The following PKD2 variants were observed in gnomAD, a reference collection of about 807,000 sequenced individuals.
PKD2 encodes the protein polycystin-2.
In PKD2, 48 loss-of-function variants were observed where a neutral mutation model predicts 105.9. That is an observed-to-expected ratio of 0.45 (90% CI 0.36 to 0.58). The LOEUF (loss-of-function observed/expected upper bound fraction) is 0.58. PKD2 is among the 20% of genes least tolerant of loss of function. PKD2 has a pLI of 0.00. For synonymous variants in PKD2, 464 were observed against 481.1 expected, an observed-to-expected ratio of 0.96 and a Z score of 0.46; for missense variants, 1,078 against 1,255.3, an observed-to-expected ratio of 0.86 and a Z score of 2.13.
chr4:88,051,656 A>C (rs558400701), intron 6 of PKD2, among the ~76,000 whole-genome samples: 1 of 152,076 alleles, frequency 6.6e-6, no homozygotes, highest in Non-Finnish European at 1.5e-5. Context: ...AAAAACAGAA[A>C]GCATTCCTCT....
chr4:88,032,379 A>G (rs1727191791), intron 2 of PKD2, among the ~76,000 whole-genome samples: 1 of 152,218 alleles, frequency 6.6e-6, no homozygotes, highest in African/African-American at 2.4e-5. Context: ...AGGCACCAGT[A>G]TCGGCCAGGC....
intron 14 of PKD2, 83 bp downstream of exon 14, chr4:88,075,042 G>A (rs1489649878): frequency 2.7e-6 from 4 of 1,474,006 alleles, no homozygotes; most frequent in South Asian, 1.1e-5. Context: ...TGTATTTGAA[G>A]TATTGAAGAA....
intron 5 of PKD2, among the ~76,000 whole-genome samples, chr4:88,044,622 G>T (rs1451950534): frequency 6.6e-6 from 1 of 152,160 alleles, no homozygotes; most frequent in Non-Finnish European, 1.5e-5. Flanking sequence ...TTGGGGATGG[G>T]ACCCAAGTCT....
At chr4:88,023,229 G>A (rs1726827516) in intron 2 of PKD2, among the ~76,000 whole-genome samples, 1 of 152,236 alleles carries the variant, frequency 6.6e-6, no homozygotes, top group African/African-American at 2.4e-5. Flanking sequence ...GCCTCAGGAA[G>A]CTGTTACTCA....
At position 88,077,158 on chromosome 4, in the gene PKD2, C is replaced by T. The variant is rs1270037634; in HGVS notation, c.*1464C>T. ...ACTTGGAGAACCAAGAGAATCCTGT[C>T]GTTTAATGCTATATTTTAATTTCAC... On this transcript the variant is annotated 3_prime_UTR_variant, in exon 15 of 15. Coordinates refer to ENST00000237596, the MANE Select transcript of PKD2 (RefSeq NM_000297.4). 2 of 152,492 alleles carry T rather than the reference C, an allele frequency of 1.3e-5. No individual in the cohort carries two copies. Among genetic ancestry groups the T allele is most frequent in the Admixed American group, 6.5e-5 (1 of 15,272 alleles). The allele number at this position is 152,492 out of a possible 1,614,324, so 9.4% of individuals were successfully genotyped here.
chr4:88,071,082 G>A (rs1446435564), intron 13 of PKD2, among the ~76,000 whole-genome samples: 2 of 151,264 alleles, frequency 1.3e-5, no homozygotes. Flanking sequence ...AAGAGATAGG[G>A]TCTCTCTCTG....
intron 3 of PKD2, 53 bp downstream of exon 3, chr4:88,036,406 T>G (rs1016432403): frequency 2.7e-5 from 44 of 1,609,910 alleles, no homozygotes; most frequent in Non-Finnish European, 3.5e-5. Context: ...ATTGTTCATT[T>G]GGCTTCATCA....
In PKD2 at chr4:88,019,476, T is replaced by A. The variant is rs1064796616; in HGVS notation, c.614T>A (p.Leu205His). ...RGLRGLWGTR[L>H]MEESSTNREK... The stretch of plus-strand genomic sequence containing the variant: ...TTTAAAGGTCTCTGGGGAACAAGAC[T>A]CATGGAGGAAAGCAGCACTAACCGA... Residue 205 changes from leucine (L) to histidine (H), a missense_variant, in exon 2 of 15, where the codon CTC (leucine) becomes CAC (histidine). Leu to His is a moderately conservative substitution (Grantham distance 99). Transcript: ENST00000237596. The A allele has an allele frequency of 6.3e-6, 10 of 1,583,594 alleles. No individual in the cohort carries two copies. Among genetic ancestry groups the A allele is most frequent in the Non-Finnish European group, 7.8e-6 (9 of 1,152,304 alleles).
At chr4:88,056,735 A>G (rs1720352256) in intron 8 of PKD2, among the ~76,000 whole-genome samples, 1 of 152,236 alleles carries the variant, frequency 6.6e-6, no homozygotes, top group African/African-American at 2.4e-5. Context: ...CAAATGTGAA[A>G]TAAAACAACA....
intron 2 of PKD2, among the ~76,000 whole-genome samples, chr4:88,034,507 A>G (rs893959320): frequency 2.0e-5 from 3 of 151,962 alleles, no homozygotes; most frequent in African/African-American, 7.3e-5. Context: ...TGTCTCTACT[A>G]AAAATAAAAA....
intron 10 of PKD2, among the ~76,000 whole-genome samples, chr4:88,065,022 C>T (rs908049584): frequency 5.9e-5 from 9 of 152,048 alleles, no homozygotes; most frequent in South Asian, 2.1e-4. Flanking sequence ...ATTCATGATT[C>T]GGGTTTCTTG....
At chr4:88,071,245 G>A (rs1454876596) in intron 13 of PKD2, among the ~76,000 whole-genome samples, 1 of 149,186 alleles carries the variant, frequency 6.7e-6, no homozygotes, top group African/African-American at 2.5e-5. Flanking sequence ...GTAGAGATGG[G>A]GTCTAAGTTG....
At position 88,052,085 on chromosome 4, in the gene PKD2, T is replaced by G; in HGVS notation, c.1643T>G (p.Phe548Cys). ...FLEDQNTFPN[F>C]EHLAYWQIQF... ...GAAGATCAAAATACTTTCCCCAACT[T>G]TGAGCATCTGGCATATTGGCAGATA... The change falls in exon 7 of 15, where the codon TTT becomes TGT. Residue 548 changes from phenylalanine to cysteine, a missense_variant. By Grantham distance (205) the Phe-to-Cys change is radical (BLOSUM62 -2). Transcript: ENST00000237596. 6.2e-7 allele frequency: 1 copy of G among 1,607,830 alleles called. No individual in the cohort carries two copies. The highest frequency in any genetic ancestry group is 8.5e-7 in the Non-Finnish European group (1 of 1,174,424).
At chr4:88,018,575 T>G (rs186998193) in intron 1 of PKD2, among the ~76,000 whole-genome samples, 1 of 152,324 alleles carries the variant, frequency 6.6e-6, no homozygotes, top group Admixed American at 6.5e-5. Context: ...TTCTTCCAAG[T>G]AACCAGCAAT....
intron 1 of PKD2, among the ~76,000 whole-genome samples, chr4:88,012,898 CCTT>C (rs1473157544): frequency 5.9e-5 from 9 of 152,046 alleles, no homozygotes; most frequent in Admixed American, 3.9e-4. Context: ...GTGCAAATTC[CCTT>C]CTTTTTTATG....
intron 12 of PKD2, among the ~76,000 whole-genome samples, chr4:88,067,195 A>AT (rs1720825781): frequency 1.3e-5 from 2 of 152,222 alleles, no homozygotes; most frequent in African/African-American, 4.8e-5. Context: ...AAATGCTGTC[A>AT]TTGGAGCAGT....
chr4:88,030,157 T>A (rs189648329), intron 2 of PKD2, among the ~76,000 whole-genome samples: 1 of 152,290 alleles, frequency 6.6e-6, no homozygotes, highest in African/African-American at 2.4e-5. Context: ...TTTATTTATT[T>A]ATGTATTTAT....
rs1230886526 is a variant in PKD2, at chr4:88,041,323, G to A, written c.1095-1910G>A. Among the ~76,000 whole-genome samples, 4 of 152,158 alleles carry A rather than the reference G, an allele frequency of 2.6e-5. No individual in the cohort carries two copies. The East Asian group carries it at 5.8e-4, about 22-fold the overall frequency. On this transcript the variant is annotated intron_variant, in intron 4 of 14. Transcript: ENST00000237596. ...TCCCATCTTCACTGAGTGACTTCAG[G>A]CCTCATTACCTCTTGGTTATTGCAG...
At chr4:88,061,154 T>C (rs1189963688) in intron 9 of PKD2, among the ~76,000 whole-genome samples, 1 of 152,180 alleles carries the variant, frequency 6.6e-6, no homozygotes, top group Admixed American at 6.5e-5. Flanking sequence ...ACAAAAAAAC[T>C]TGGAATAAGC....
Sources: gnomAD v4.1 joint callset for allele counts (sites outside exome capture counted in the v4.1 genomes callset) on GRCh38, gnomAD v4.1.1 for gene constraint, MANE v1.5 for transcripts, NCBI Gene and HGNC (gene_info 2026-07-23, HGNC 2026-07-21) for gene names.